Variants in ATP10B observed in about 807,000 individuals in gnomAD.
ATP10B encodes the protein phospholipid-transporting ATPase VB.
A neutral mutation model predicts 141.2 loss-of-function variants in ATP10B; 122 were observed. The ratio of observed to expected loss-of-function variants is 0.86; its 90% confidence interval spans 0.75 to 1.00. The LOEUF is 1.00. Among genes scored for constraint, ATP10B ranks in the 50% least tolerant of loss-of-function variants. ATP10B has a pLI of 0.00. For synonymous variants in ATP10B, 685 were observed against 692.0 expected (o/e 0.99, Z 0.16); for missense variants, 1,876 against 1,825.3 (o/e 1.03, Z -0.51).
intron 20 of ATP10B, 72 bp from the exon 21 acceptor site, chr5:160,602,774 C>G (rs866645912): frequency 5.0e-6 from 8 of 1,600,346 alleles, no homozygotes; most frequent in Non-Finnish European, 6.8e-6. Flanking sequence ...CTCTCAAGGG[C>G]GTTGCTTTGG....
intron 1 of ATP10B, among the ~76,000 whole-genome samples, chr5:160,800,034 C>T (rs980397336): frequency 6.6e-6 from 1 of 152,166 alleles, no homozygotes; most frequent in African/African-American, 2.4e-5. Flanking sequence ...ATTGGAGTTA[C>T]AAGTCTGCAA....
At chr5:160,885,558 G>C in the ATP10B span, among the ~76,000 whole-genome samples, 1 of 152,146 alleles carries the variant, frequency 6.6e-6, no homozygotes, top group East Asian at 1.9e-4. Context: ...CTTTGTTGCT[G>C]ATGGAAAGGA....
At chr5:160,605,051 G>T (rs1332601672) in intron 19 of ATP10B, among the ~76,000 whole-genome samples, 1 of 152,136 alleles carries the variant, frequency 6.6e-6, no homozygotes, top group East Asian at 1.9e-4. Flanking sequence ...TTGAAAAATA[G>T]AAAAATAATT....
Position 160,612,867 on chromosome 5 carries a change from C to A in ATP10B, c.2712G>T (p.Leu904=). The change falls in exon 18 of 26, where the codon CTG becomes CTT. Residue 904 remains leucine (L), a synonymous_variant. Coordinates refer to ENST00000327245, the MANE Select transcript of ATP10B (RefSeq NM_025153.3). The part of the protein sequence containing the change: ...QEGVPDTIAT[L]REAGIQLWVL... ...CCCAGAGCTGGATCCCAGCCTCCCG[C>A]AGAGTGGCAATCGTATCTGGAACTC... 6.2e-7 allele frequency: 1 copy of A among 1,614,052 alleles called. No homozygotes were observed. The highest frequency in any genetic ancestry group is 8.5e-7 in the Non-Finnish European group (1 of 1,179,972).
Position 160,620,661 on chromosome 5 carries a change from T to G in ATP10B, c.2102A>C (p.Glu701Ala). The change falls in exon 15 of 26, where the codon GAG becomes GCG. Residue 701 changes from glutamate (E) to alanine (A), a missense_variant. Coordinates refer to ENST00000327245, the MANE Select transcript of ATP10B (RefSeq NM_025153.3). ...LESGSGTSLE[E>A]ALEAPATDLA... ...GTCTGTGGCTGGGGCCTCCAATGCC[T>G]CCTCCAAGGAAGTGCCTGACCCAGA... The G allele has an allele frequency of 6.2e-7, 1 of 1,613,458 alleles. No individual in the cohort carries two copies. The highest frequency in any genetic ancestry group is 8.5e-7 in the Non-Finnish European group (1 of 1,179,474).
chr5:160,657,198 G>A (rs967435548), intron 7 of ATP10B, among the ~76,000 whole-genome samples: 7 of 152,086 alleles, frequency 4.6e-5, no homozygotes, highest in Non-Finnish European at 1.0e-4. Context: ...GTTATCAGTT[G>A]TCTAAATGGT....
intron 3 of ATP10B, among the ~76,000 whole-genome samples, chr5:160,705,503 T>C (rs1764959445): frequency 1.3e-5 from 2 of 152,104 alleles, no homozygotes; most frequent in African/African-American, 2.4e-5. Flanking sequence ...GTGATTACAA[T>C]TGGGATTACA....
intron 1 of ATP10B, among the ~76,000 whole-genome samples, chr5:160,823,001 C>CATATATATATAT (rs60078265): frequency 6.7e-4 from 23 of 34,464 alleles, no homozygotes; most frequent in African/African-American, 1.4e-3. Flanking sequence ...TATATATATA[C>CATATATATATAT]ATATATATAT....
At chr5:160,717,495 C>G (rs1765730717) in intron 2 of ATP10B, among the ~76,000 whole-genome samples, 1 of 152,140 alleles carries the variant, frequency 6.6e-6, no homozygotes, top group Non-Finnish European at 1.5e-5. Context: ...AGTTCAAGCC[C>G]TCAGTGAACT....
At chr5:160,652,009 C>G (rs1760774481) in intron 7 of ATP10B, among the ~76,000 whole-genome samples, 1 of 152,102 alleles carries the variant, frequency 6.6e-6, no homozygotes, top group Non-Finnish European at 1.5e-5. Flanking sequence ...GGGGTCTGAG[C>G]ACTAATGATC....
intron 7 of ATP10B, among the ~76,000 whole-genome samples, chr5:160,650,133 T>TACAC (rs549523911): frequency 2.7e-5 from 4 of 148,662 alleles, no homozygotes; most frequent in South Asian, 2.1e-4. Flanking sequence ...TATATATATA[T>TACAC]ACACACACAC....
At chr5:160,868,718 G>A in the ATP10B span, among the ~76,000 whole-genome samples, 1 of 152,086 alleles carries the variant, frequency 6.6e-6, no homozygotes, top group Admixed American at 6.6e-5. Flanking sequence ...GCAGACTGGT[G>A]AAGACTAGGA....
chr5:160,881,876 T>C, the ATP10B span, among the ~76,000 whole-genome samples: 1 of 152,048 alleles, frequency 6.6e-6, no homozygotes, highest in Admixed American at 6.6e-5. Context: ...AAGATTTCCT[T>C]CTATAAGTGA....
Position 160,564,215 on chromosome 5 carries a change from C to G in ATP10B, c.*1238G>C, listed in dbSNP as rs916333657. 1 of 152,176 alleles carries G rather than the reference C, an allele frequency of 6.6e-6. No individual in the cohort carries two copies. The highest frequency in any genetic ancestry group is 1.5e-5 in the Non-Finnish European group (1 of 68,032). The allele number at this position is 152,176 out of a possible 1,614,324, so 9.4% of individuals were successfully genotyped here. ...AAGGTGGCTCAGTAACCCTTTCTGG[C>G]TTATTTTACAAGACTAGGGTTAGGC... On this transcript the variant is annotated 3_prime_UTR_variant, in exon 26 of 26. Coordinates refer to ENST00000327245, the MANE Select transcript of ATP10B (RefSeq NM_025153.3).
chr5:160,776,425 G>C (rs1770321096), intron 2 of ATP10B, among the ~76,000 whole-genome samples: 2 of 152,202 alleles, frequency 1.3e-5, no homozygotes, highest in South Asian at 4.1e-4. Context: ...CTATATGCCA[G>C]GCACTGGCTA....
At chr5:160,596,869 A>G (rs1756732193) in intron 22 of ATP10B, among the ~76,000 whole-genome samples, 2 of 152,214 alleles carry the variant, frequency 1.3e-5, no homozygotes, top group African/African-American at 4.8e-5. Context: ...GAGAACTACA[A>G]ACCACTGCTC....
At chr5:160,739,332 T>G (rs1325523155) in intron 2 of ATP10B, among the ~76,000 whole-genome samples, 1 of 152,152 alleles carries the variant, frequency 6.6e-6, no homozygotes, top group Non-Finnish European at 1.5e-5. Context: ...AGCCAGGCAG[T>G]GCAATAAGGC....
chr5:160,812,189 A>G (rs1406984633), intron 1 of ATP10B, among the ~76,000 whole-genome samples: 1 of 152,202 alleles, frequency 6.6e-6, no homozygotes, highest in East Asian at 1.9e-4. Flanking sequence ...ACAAGTCTGT[A>G]AGAACCACAG....
At chr5:160,723,290 C>A (rs1220666937) in intron 2 of ATP10B, among the ~76,000 whole-genome samples, 1 of 152,068 alleles carries the variant, frequency 6.6e-6, no homozygotes, top group African/African-American at 2.4e-5. Context: ...GAGACCATTG[C>A]CTTCATGAAG....
Sources: gnomAD v4.1 joint callset for allele counts (sites outside exome capture counted in the v4.1 genomes callset) on GRCh38, gnomAD v4.1.1 for gene constraint, MANE v1.5 for transcripts, NCBI Gene and HGNC (gene_info 2026-07-23, HGNC 2026-07-21) for gene names.